The following CFAP61 variants were observed in gnomAD, a reference collection of about 807,000 sequenced individuals.
CFAP61 encodes cilia and flagella associated protein 61.
A neutral mutation model predicts 135.6 loss-of-function variants in CFAP61; 107 were observed. The observed-to-expected ratio is 0.79, with a 90% CI of 0.67 to 0.93. CFAP61 has a LOEUF of 0.93. Ranked by LOEUF, CFAP61 falls within the 40% of genes least tolerant of loss-of-function variation. The pLI, the probability that CFAP61 is intolerant of heterozygous loss-of-function variation, is 0.00. For missense variants in CFAP61, 1,507 were observed against 1,556.2 expected (o/e 0.97, Z 0.53); for synonymous variants, 575 against 578.5 (o/e 0.99, Z 0.09).
intron 2 of CFAP61, among the ~76,000 whole-genome samples, chr20:20,065,365 C>G (rs2045165371): frequency 6.6e-6 from 1 of 151,656 alleles, no homozygotes; most frequent in South Asian, 2.1e-4. Context: ...CAGCCTTCCC[C>G]TTGCTCAGAC....
chr20:20,150,391 C>T (rs1365002158), intron 9 of CFAP61, among the ~76,000 whole-genome samples: 1 of 152,192 alleles, frequency 6.6e-6, no homozygotes, highest in African/African-American at 2.4e-5. Context: ...TATCCCCCTT[C>T]TACTATTGCA....
intron 17 of CFAP61, among the ~76,000 whole-genome samples, chr20:20,221,419 C>T (rs2048392242): frequency 6.6e-6 from 1 of 152,060 alleles, no homozygotes; most frequent in African/African-American, 2.4e-5. Flanking sequence ...GTGAATTAAC[C>T]ACCTAATTCA....
chr20:20,293,648 GCTCA>G (rs760664011), intron 24 of CFAP61, among the ~76,000 whole-genome samples: 1 of 152,080 alleles, frequency 6.6e-6, no homozygotes, highest in Non-Finnish European at 1.5e-5. Flanking sequence ...CTTTTATAGT[GCTCA>G]CTAATTGGAA....
At chr20:20,072,455 C>A (rs1314336480) in intron 3 of CFAP61, among the ~76,000 whole-genome samples, 6 of 152,082 alleles carry the variant, frequency 3.9e-5, no homozygotes, top group African/African-American at 1.4e-4. Context: ...TAGTAAATCA[C>A]CTGAAGTATC....
At chr20:20,304,775 G>A (rs558449405) in intron 25 of CFAP61, among the ~76,000 whole-genome samples, 4 of 152,192 alleles carry the variant, frequency 2.6e-5, no homozygotes, top group Admixed American at 2.6e-4. Flanking sequence ...TGGGTGGAGA[G>A]GAGAGGGGAG....
At chr20:20,175,705 T>A (rs369810957) in intron 13 of CFAP61, among the ~76,000 whole-genome samples, 2 of 141,720 alleles carry the variant, frequency 1.4e-5, no homozygotes, top group South Asian at 4.4e-4. Context: ...TTTTTTTTTT[T>A]TATTTTTAGT....
chr20:20,065,187 T>C (rs765887373), intron 2 of CFAP61, among the ~76,000 whole-genome samples: 1 of 152,188 alleles, frequency 6.6e-6, no homozygotes, highest in Non-Finnish European at 1.5e-5. Flanking sequence ...ATGGTATAAA[T>C]GTGAAAAACA....
intron 25 of CFAP61, among the ~76,000 whole-genome samples, chr20:20,302,156 A>AT (rs1464318384): frequency 1.3e-5 from 2 of 152,098 alleles, no homozygotes; most frequent in African/African-American, 2.4e-5. Flanking sequence ...TTTAAATGTC[A>AT]TTTTTTATGA....
In CFAP61 at chr20:20,081,893, G is replaced by A. The variant is rs2046457182; in HGVS notation, c.566+6278G>A. ...GGAAGGGATGTTTATTAGAAGATAA[G>A]TGGACAGTAGTGAATTCGTGTGGAA... On this transcript the variant is annotated intron_variant, in intron 6 of 26. Coordinates refer to ENST00000245957, the MANE Select transcript of CFAP61 (RefSeq NM_015585.4). Among the ~76,000 whole-genome samples the A allele has an allele frequency of 2.6e-5, 4 of 152,350 alleles. No homozygotes were observed. The South Asian group carries it at 8.3e-4, about 32-fold the overall frequency.
At position 20,279,489 on chromosome 20, in the gene CFAP61, T is replaced by C. The variant is rs2054021221; in HGVS notation, c.2796+2031T>C. Among the ~76,000 whole-genome samples, 4 of 152,320 alleles carry C rather than the reference T, an allele frequency of 2.6e-5. 1 individual carries two copies. In the South Asian group the frequency reaches 8.3e-4, roughly 32 times the overall value. ...TAAGGAAGAGAAAATATATTTATTC[T>C]TCATTAGGTGGAAGTGGATCATCAT... On this transcript the variant is annotated intron_variant, in intron 22 of 26. Transcript: ENST00000245957.
intron 20 of CFAP61, 73 bp from the exon 21 acceptor site, chr20:20,262,883 C>CT (rs144717739): frequency 0.28 from 201,920 of 716,140 alleles, 7,856 homozygotes; most frequent in Non-Finnish European, 0.29. Flanking sequence ...GCTATGTCTA[C>CT]TTTTTTTTTT....
intron 26 of CFAP61, among the ~76,000 whole-genome samples, chr20:20,353,844 A>G (rs1215745079): frequency 6.6e-6 from 1 of 152,226 alleles, no homozygotes; most frequent in African/African-American, 2.4e-5. Flanking sequence ...AAGGATGTGG[A>G]GAAAAGGGAA....
At chr20:20,319,073 G>C (rs2057297761) in intron 25 of CFAP61, among the ~76,000 whole-genome samples, 1 of 152,194 alleles carries the variant, frequency 6.6e-6, no homozygotes, top group Admixed American at 6.5e-5. Context: ...GCTGTCCCAA[G>C]ACCCTGATTC....
chr20:20,286,067 T>A (rs1250688772), intron 22 of CFAP61, among the ~76,000 whole-genome samples: 2 of 149,284 alleles, frequency 1.3e-5, no homozygotes, highest in African/African-American at 4.9e-5. Context: ...CCCATCCTGG[T>A]CATTTCTCCA....
chr20:20,294,959 A>AATG (rs2055308721), intron 24 of CFAP61, among the ~76,000 whole-genome samples: 1 of 146,668 alleles, frequency 6.8e-6, no homozygotes, highest in Admixed American at 6.8e-5. Context: ...TAATAATAAT[A>AATG]ATAATAATAA....
chr20:20,144,562 T>G (rs2051701896), intron 9 of CFAP61, among the ~76,000 whole-genome samples: 2 of 151,742 alleles, frequency 1.3e-5, no homozygotes, highest in South Asian at 4.2e-4. Context: ...AGACCTAATA[T>G]ATGTGTAATA....
At chr20:20,114,869 A>G (rs2049031786) in intron 8 of CFAP61, among the ~76,000 whole-genome samples, 1 of 152,194 alleles carries the variant, frequency 6.6e-6, no homozygotes. Context: ...AATACTCATT[A>G]TCAGGTCAAG....
At chr20:20,078,194 A>G (rs2046191015) in intron 6 of CFAP61, among the ~76,000 whole-genome samples, 1 of 152,262 alleles carries the variant, frequency 6.6e-6, no homozygotes. Context: ...AAGGGAAAGT[A>G]TAATGAGGCA....
chr20:20,098,381 G>A (rs2047738060), intron 7 of CFAP61, among the ~76,000 whole-genome samples: 1 of 151,918 alleles, frequency 6.6e-6, no homozygotes. Context: ...AGGCCGAGGT[G>A]GGTGGATCAC....
Sources: gnomAD v4.1 joint callset for allele counts (sites outside exome capture counted in the v4.1 genomes callset) on GRCh38, gnomAD v4.1.1 for gene constraint, MANE v1.5 for transcripts, NCBI Gene and HGNC (gene_info 2026-07-23, HGNC 2026-07-21) for gene names.